Variants in LRP5 observed in about 807,000 individuals in gnomAD.
LRP5 encodes the protein low-density lipoprotein receptor-related protein 5.
In LRP5, 62 loss-of-function variants were observed where a neutral mutation model predicts 154.1. The observed-to-expected ratio is 0.40, with a 90% CI of 0.33 to 0.50. The LOEUF is 0.50. LRP5 is among the 20% of genes least tolerant of loss of function. The probability of loss-of-function intolerance (pLI) is 0.55; values close to 1 mark genes in which losing one functional copy is unlikely to be tolerated. For synonymous variants in LRP5, 966 were observed against 1,011.5 expected (o/e 0.96, Z 0.85); for missense variants, 1,915 against 2,336.7 (o/e 0.82, Z 3.72).
the LRP5 span, among the ~76,000 whole-genome samples, chr11:68,299,433 G>A: frequency 6.6e-5 from 10 of 151,922 alleles, no homozygotes; most frequent in East Asian, 9.6e-4. Flanking sequence ...AGGTGAGGGC[G>A]GGAGGCAGCC....
intron 7 of LRP5, among the ~76,000 whole-genome samples, chr11:68,391,259 G>A (rs190002909): frequency 4.6e-5 from 7 of 152,156 alleles, no homozygotes; most frequent in East Asian, 1.9e-4. Context: ...GTGAGCCACC[G>A]CGCCCAGCCT....
Position 68,341,687 on chromosome 11 carries a change from G to A in LRP5, c.92-6160G>A, listed in dbSNP as rs575903340. On this transcript the variant is annotated intron_variant, in intron 1 of 22. Coordinates refer to ENST00000294304, the MANE Select transcript of LRP5 (RefSeq NM_002335.4). ...CTGCTCCAGTGTGCTCCCACCCCAG[G>A]ACCTTTGCCCAGGCCTGCCGGCTCC... Among the ~76,000 whole-genome samples the A allele has an allele frequency of 1.1e-4, 16 of 152,152 alleles. 1 individual carries two copies. In the East Asian group the frequency reaches 2.9e-3, roughly 28 times the overall value.
rs1167466280 is a variant in LRP5 at position 68,345,597 on chromosome 11, T to A, written c.92-2250T>A. The stretch of plus-strand genomic sequence containing the variant: ...CCACCATGCCTGGCTGCCTCCATGT[T>A]TTAGCTGTTGGGAAGGATGCTGCTG... On this transcript the variant is annotated intron_variant, in intron 1 of 22. Transcript: ENST00000294304. Among the ~76,000 whole-genome samples the A allele has an allele frequency of 4.6e-5, 7 of 152,212 alleles. No individual in the cohort carries two copies. In the East Asian group the frequency reaches 1.3e-3, roughly 29 times the overall value.
At chr11:68,374,723 G>A (rs1324303723) in intron 5 of LRP5, among the ~76,000 whole-genome samples, 2 of 152,094 alleles carry the variant, frequency 1.3e-5, no homozygotes. Flanking sequence ...CTATCACCTT[G>A]GATTAGCGTT....
At chr11:68,313,047 C>T (rs1005271372) in intron 1 of LRP5, among the ~76,000 whole-genome samples, 1 of 146,974 alleles carries the variant, frequency 6.8e-6, no homozygotes, top group African/African-American at 2.5e-5. Context: ...AGGAGGGCGC[C>T]CGCTCCGCCA....
chr11:68,374,141 C>T (rs1382214657), intron 5 of LRP5, among the ~76,000 whole-genome samples: 2 of 152,096 alleles, frequency 1.3e-5, no homozygotes, highest in Non-Finnish European at 2.9e-5. Flanking sequence ...GTGGGGGCAG[C>T]GGGAGGAACA....
intron 9 of LRP5, among the ~76,000 whole-genome samples, chr11:68,409,051 G>GA (rs57069059): frequency 4.3e-4 from 22 of 51,414 alleles, no homozygotes; most frequent in African/African-American, 1.4e-3. Flanking sequence ...CTTATCTGGG[G>GA]AAAAAAAAAA....
the LRP5 span, among the ~76,000 whole-genome samples, chr11:68,302,515 T>C: frequency 1.3e-3 from 197 of 152,288 alleles, 1 homozygote; most frequent in African/African-American, 4.6e-3. Context: ...CTCCAGACTT[T>C]TGCAGTTTTA....
At position 68,439,936 on chromosome 11, in the gene LRP5, A is replaced by G. The variant is rs554995200; in HGVS notation, c.4488+20A>G. 385 of 464,430 alleles carry G rather than the reference A, an allele frequency of 8.3e-4. No homozygotes were observed. The highest frequency in any genetic ancestry group is 5.9e-3 in the African/African-American group (257 of 43,818). The allele number at this position is 464,430 out of a possible 1,614,324, so 28.8% of individuals were successfully genotyped here. ...CCGCCGGTGAGGGGCGGGGCCGGGG[A>G]GGGGCGGGGCGGGATGGGGCTGTGG... On this transcript the variant is annotated intron_variant, in intron 21 of 22. Coordinates refer to ENST00000294304, the MANE Select transcript of LRP5 (RefSeq NM_002335.4).
intron 20 of LRP5, 44 bp downstream of exon 20, chr11:68,438,726 G>A (rs1036579412): frequency 1.9e-6 from 3 of 1,578,558 alleles, no homozygotes; most frequent in Non-Finnish European, 2.6e-6. Flanking sequence ...AGGCAGGAGA[G>A]TAGTCTGGGC....
intron 18 of LRP5, among the ~76,000 whole-genome samples, chr11:68,434,482 C>T (rs1303702178): frequency 6.6e-6 from 1 of 152,136 alleles, no homozygotes; most frequent in African/African-American, 2.4e-5. Flanking sequence ...AGGGTTCAAT[C>T]GATTCTCCTG....
chr11:68,382,694 C>G (rs1281682908), intron 5 of LRP5, among the ~76,000 whole-genome samples: 3 of 152,116 alleles, frequency 2.0e-5, no homozygotes, highest in African/African-American at 7.2e-5. Flanking sequence ...GCACTTCCTG[C>G]ATGTGCTGGC....
At chr11:68,406,856 A>G in intron 9 of LRP5, 43 bp downstream of exon 9, 1 of 1,602,610 alleles carries the variant, frequency 6.2e-7, no homozygotes, top group Non-Finnish European at 8.5e-7. Context: ...CTTTATGGGA[A>G]AACCTTGCCT....
the LRP5 span, among the ~76,000 whole-genome samples, chr11:68,305,319 G>A: frequency 6.6e-6 from 1 of 151,936 alleles, no homozygotes; most frequent in African/African-American, 2.4e-5. Flanking sequence ...CTTCCACGAT[G>A]AGTAAAACTC....
In LRP5 at chr11:68,445,696, T is replaced by C. The variant is rs1340611644; in HGVS notation, c.4489-740T>C. The C allele has an allele frequency of 5.4e-6, 7 of 1,302,734 alleles. No individual in the cohort carries two copies. In the South Asian group the frequency reaches 7.4e-5, roughly 14 times the overall value. 80.7% of individuals were successfully genotyped at this position (1,302,734 alleles called of 1,614,324 possible). ...GTGGCACTTGTGGAAGGTGCAGACC[T>C]GTGTGGGTGTGTGGGCCCAGGGCCC... On this transcript the variant is annotated intron_variant, in intron 21 of 22. Coordinates refer to ENST00000294304, the MANE Select transcript of LRP5 (RefSeq NM_002335.4).
intron 13 of LRP5, among the ~76,000 whole-genome samples, chr11:68,420,358 C>T (rs1565097821): frequency 6.6e-6 from 1 of 152,158 alleles, no homozygotes; most frequent in African/African-American, 2.4e-5. Context: ...CCTCAAGGTT[C>T]ATCTGTGTTA....
chr11:68,418,553 C>T (rs940343624), intron 13 of LRP5, among the ~76,000 whole-genome samples: 8 of 152,168 alleles, frequency 5.3e-5, no homozygotes, highest in East Asian at 3.9e-4. Context: ...CCATGTCCGC[C>T]GTCGGTTTCG....
At chr11:68,304,795 G>C in the LRP5 span, among the ~76,000 whole-genome samples, 1 of 152,248 alleles carries the variant, frequency 6.6e-6, no homozygotes, top group Admixed American at 6.5e-5. Flanking sequence ...GGACTTGCTT[G>C]GGGCCTATAG....
intron 2 of LRP5, 86 bp from the exon 3 acceptor site, chr11:68,357,560 ACTGT>A (rs2098624136): frequency 2.4e-6 from 3 of 1,225,334 alleles, no homozygotes; most frequent in Admixed American, 1.9e-5. Flanking sequence ...GGGCAAGTTC[ACTGT>A]CTGTTGTTTC....
Sources: allele counts gnomAD v4.1 joint callset (sites outside exome capture counted in the v4.1 genomes callset), GRCh38; gene constraint gnomAD v4.1.1; transcripts MANE v1.5; gene names NCBI Gene and HGNC (gene_info 2026-07-23, HGNC 2026-07-21).